CDKAL1: variants seen among roughly 807,000 people sequenced by gnomAD.
CDKAL1 encodes CDKAL1 threonylcarbamoyladenosine tRNA methylthiotransferase, also known as threonylcarbamoyladenosine tRNA methylthiotransferase.
Under a neutral mutation model 68.2 loss-of-function variants are expected in CDKAL1, and 32 were observed. The ratio of observed to expected loss-of-function variants is 0.47; its 90% CI spans 0.35 to 0.63. The LOEUF is 0.63. Among genes scored for constraint, CDKAL1 ranks in the 30% least tolerant of loss-of-function variants. The pLI is 0.00. For missense variants in CDKAL1, 606 were observed against 696.7 expected, an observed-to-expected ratio of 0.87 and a Z score of 1.47; for synonymous variants, 234 against 244.3, an observed-to-expected ratio of 0.96 and a Z score of 0.39.
chr6:20,669,699 A>G (rs1769719991), intron 5 of CDKAL1, among the ~76,000 whole-genome samples: 1 of 152,126 alleles, frequency 6.6e-6, no homozygotes, highest in Non-Finnish European at 1.5e-5. Flanking sequence ...TTCTGTTTTG[A>G]GCACTTCCTT....
chr6:20,601,870 C>G (rs893283199), intron 4 of CDKAL1, among the ~76,000 whole-genome samples: 3 of 152,148 alleles, frequency 2.0e-5, no homozygotes, highest in African/African-American at 7.2e-5. Context: ...CTGCATTATT[C>G]TCTTTCCATG....
chr6:20,951,105 C>G (rs937564731), intron 9 of CDKAL1, among the ~76,000 whole-genome samples: 21 of 152,258 alleles, frequency 1.4e-4, no homozygotes, highest in African/African-American at 5.1e-4. Flanking sequence ...CCATCCAGTG[C>G]TCTTTAACTA....
chr6:20,959,536 T>C (rs966508907), intron 10 of CDKAL1, among the ~76,000 whole-genome samples: 2 of 151,672 alleles, frequency 1.3e-5, no homozygotes, highest in Admixed American at 6.6e-5. Context: ...CCTAATGATA[T>C]CTCCTCTATA....
At chr6:20,984,633 G>A (rs1478178314) in intron 10 of CDKAL1, among the ~76,000 whole-genome samples, 2 of 152,022 alleles carry the variant, frequency 1.3e-5, no homozygotes, top group Non-Finnish European at 2.9e-5. Context: ...GGCTCCCAGC[G>A]GGAAGGGGAG....
chr6:21,207,221 ATTT>A (rs34085972), intron 15 of CDKAL1, among the ~76,000 whole-genome samples: 2 of 149,286 alleles, frequency 1.3e-5, no homozygotes, highest in Non-Finnish European at 3.0e-5. Flanking sequence ...CCTACTTTAA[ATTT>A]TTTTTTTTTT....
At chr6:21,112,833 A>G (rs1235256996) in intron 13 of CDKAL1, among the ~76,000 whole-genome samples, 2 of 152,126 alleles carry the variant, frequency 1.3e-5, no homozygotes, top group Non-Finnish European at 2.9e-5. Flanking sequence ...AAAAAAGCCT[A>G]TTTGGGCCCA....
At chr6:20,927,323 AT>A (rs1397594074) in intron 9 of CDKAL1, among the ~76,000 whole-genome samples, 7 of 152,204 alleles carry the variant, frequency 4.6e-5, no homozygotes. Flanking sequence ...ACAATGTCTG[AT>A]AACCCAAGGA....
intron 11 of CDKAL1, among the ~76,000 whole-genome samples, chr6:21,054,717 T>A (rs1770735987): frequency 1.3e-5 from 2 of 152,152 alleles, no homozygotes; most frequent in Non-Finnish European, 2.9e-5. Context: ...CCAAGTAGTT[T>A]TTATGCTATT....
At chr6:20,600,017 C>A (rs1041531742) in intron 4 of CDKAL1, among the ~76,000 whole-genome samples, 1 of 152,134 alleles carries the variant, frequency 6.6e-6, no homozygotes, top group African/African-American at 2.4e-5. Flanking sequence ...TGTATCAAAT[C>A]CTCCCTATGT....
intron 10 of CDKAL1, among the ~76,000 whole-genome samples, chr6:20,974,413 G>T (rs1765742178): frequency 6.6e-6 from 1 of 152,160 alleles, no homozygotes; most frequent in South Asian, 2.1e-4. Flanking sequence ...AGAGAGAAGG[G>T]ATATTAGGGC....
At position 20,654,475 on chromosome 6, in the gene CDKAL1, C is replaced by T. The variant is rs536857727; in HGVS notation, c.371+5098C>T. On this transcript the variant is annotated intron_variant, in intron 5 of 15. Transcript: ENST00000274695. ...AATTCTGGTTTAAAGTTTATTAATC[C>T]GTTCTTTTTGGTCTGTGTTCTTATT... Among the ~76,000 whole-genome samples, 9 of 151,740 alleles carry T rather than the reference C, an allele frequency of 5.9e-5. No homozygotes were observed. The South Asian group carries it at 8.3e-4, about 14-fold the overall frequency.
intron 4 of CDKAL1, among the ~76,000 whole-genome samples, chr6:20,556,189 GC>G (rs1764036508): frequency 6.6e-6 from 1 of 151,774 alleles, no homozygotes; most frequent in Non-Finnish European, 1.5e-5. Flanking sequence ...ACATGGTGAA[GC>G]CCCGTCTTTA....
intron 8 of CDKAL1, among the ~76,000 whole-genome samples, chr6:20,784,408 A>ATTTTTTT (rs1402113263): frequency 8.3e-4 from 19 of 22,996 alleles, no homozygotes; most frequent in South Asian, 3.8e-3. Context: ...CAGATATTTT[A>ATTTTTTT]TTTCTTTTTT....
At chr6:21,146,814 G>T (rs1359161149) in intron 13 of CDKAL1, among the ~76,000 whole-genome samples, 1 of 135,862 alleles carries the variant, frequency 7.4e-6, no homozygotes, top group African/African-American at 2.8e-5. Context: ...TCTCGCCACT[G>T]CACTCCAGCC....
At chr6:21,210,165 A>G (rs1338206086) in intron 15 of CDKAL1, among the ~76,000 whole-genome samples, 2 of 152,210 alleles carry the variant, frequency 1.3e-5, no homozygotes, top group Non-Finnish European at 2.9e-5. Context: ...GCGCTGTGTC[A>G]AGCACTGCTT....
intron 9 of CDKAL1, among the ~76,000 whole-genome samples, chr6:20,932,477 T>A (rs957950114): frequency 3.9e-5 from 6 of 152,176 alleles, no homozygotes; most frequent in African/African-American, 1.4e-4. Flanking sequence ...TATTTATATA[T>A]AAGCATAAAC....
chr6:20,830,736 G>T (rs1581662176), intron 8 of CDKAL1, among the ~76,000 whole-genome samples: 2 of 151,906 alleles, frequency 1.3e-5, no homozygotes, highest in Admixed American at 1.3e-4. Flanking sequence ...CTATTCACAG[G>T]ACTGGGGCAT....
intron 11 of CDKAL1, among the ~76,000 whole-genome samples, chr6:21,011,128 C>G (rs2150840205): frequency 1.3e-5 from 2 of 149,646 alleles, no homozygotes; most frequent in East Asian, 4.0e-4. Context: ...CCTGTAATCC[C>G]AGCACTTTGG....
At chr6:20,732,081 T>A (rs1356376502) in intron 5 of CDKAL1, among the ~76,000 whole-genome samples, 1 of 151,356 alleles carries the variant, frequency 6.6e-6, no homozygotes, top group Non-Finnish European at 1.5e-5. Context: ...AGTCTTGCTC[T>A]GCTCCCCAGG....
Sources: gnomAD v4.1 joint callset for allele counts (sites outside exome capture counted in the v4.1 genomes callset) on GRCh38, gnomAD v4.1.1 for gene constraint, MANE v1.5 for transcripts, NCBI Gene and HGNC (gene_info 2026-07-23, HGNC 2026-07-21) for gene names.